The following OR14L1 variants were observed in gnomAD, a reference collection of about 807,000 sequenced individuals.
OR14L1 encodes olfactory receptor family 14 subfamily L member 1, also known as olfactory receptor 14L1.
At chr1:247,619,251 A>C in the OR14L1 span, among the ~76,000 whole-genome samples, 1 of 152,220 alleles carries the variant, frequency 6.6e-6, no homozygotes, top group Non-Finnish European at 1.5e-5. Flanking sequence ...ATAATGAGCA[A>C]ATAAAATGCT....
chr1:247,619,631 G>A, the OR14L1 span: 2 of 151,938 alleles, frequency 1.3e-5, no homozygotes, highest in African/African-American at 4.8e-5. Flanking sequence ...GGAAGAAATG[G>A]AACGACCACA....
the OR14L1 span, chr1:247,621,125 G>A: frequency 1.3e-5 from 2 of 152,130 alleles, no homozygotes; most frequent in Non-Finnish European, 2.9e-5. Context: ...GTTCACATAT[G>A]TTTATGGTGC....
chr1:247,622,067 C>T, the OR14L1 span: 4 of 152,048 alleles, frequency 2.6e-5, no homozygotes, highest in African/African-American at 9.7e-5. Flanking sequence ...TGCAAGCGTA[C>T]CTCATTGTAT....
At chr1:247,617,945 C>T in the OR14L1 span, among the ~76,000 whole-genome samples, 1 of 152,110 alleles carries the variant, frequency 6.6e-6, no homozygotes, top group African/African-American at 2.4e-5. Context: ...TGATTAGTGT[C>T]ACCACATCAT....
At chr1:247,620,294 T>C in the OR14L1 span, 1 of 151,744 alleles carries the variant, frequency 6.6e-6, no homozygotes, top group Non-Finnish European at 1.5e-5. Context: ...CTCTCCTACA[T>C]GTACATTTTT....
chr1:247,619,188 C>T, the OR14L1 span, among the ~76,000 whole-genome samples: 1 of 152,160 alleles, frequency 6.6e-6, no homozygotes, highest in Non-Finnish European at 1.5e-5. Context: ...ATTTTATTTT[C>T]ATAAAACTGA....
chr1:247,618,769 C>T, the OR14L1 span, among the ~76,000 whole-genome samples: 1 of 152,104 alleles, frequency 6.6e-6, no homozygotes, highest in Non-Finnish European at 1.5e-5. Flanking sequence ...TCTGCCTTTT[C>T]CTATGTGGCT....
chr1:247,619,241 A>G, the OR14L1 span, among the ~76,000 whole-genome samples: 1 of 152,214 alleles, frequency 6.6e-6, no homozygotes, highest in Non-Finnish European at 1.5e-5. Context: ...TCTTTAACAC[A>G]TAATGAGCAA....
At chr1:247,621,759 G>C in the OR14L1 span, 6 of 152,190 alleles carry the variant, frequency 3.9e-5, no homozygotes, top group South Asian at 1.2e-3. Context: ...TTATGAGTTT[G>C]ACTTTTTCAG....
At chr1:247,622,097 T>A in the OR14L1 span, 1 of 152,202 alleles carries the variant, frequency 6.6e-6, no homozygotes, top group Non-Finnish European at 1.5e-5. Context: ...TTTGCTGAAT[T>A]TCACAAATAT....
chr1:247,621,822 T>C, the OR14L1 span: 1 of 152,204 alleles, frequency 6.6e-6, no homozygotes, highest in Non-Finnish European at 1.5e-5. Flanking sequence ...GACTGGCTTA[T>C]TTCACGTAAC....
chr1:247,617,703 TGTGTGTGCG>T, the OR14L1 span, among the ~76,000 whole-genome samples: 1 of 148,762 alleles, frequency 6.7e-6, no homozygotes, highest in African/African-American at 2.5e-5. Flanking sequence ...GGTGTGTGTG[TGTGTGTGCG>T]TGTGTGTGTG....
At chr1:247,620,510 G>A in the OR14L1 span, 1 of 152,230 alleles carries the variant, frequency 6.6e-6, no homozygotes, top group Admixed American at 6.6e-5. Context: ...GTCATCTATA[G>A]TCTGAGGAAT....
chr1:247,617,711 C>CGT, the OR14L1 span, among the ~76,000 whole-genome samples: 225 of 144,668 alleles, frequency 1.6e-3, 1 homozygote, highest in Non-Finnish European at 1.7e-3. Flanking sequence ...TGTGTGTGTG[C>CGT]GTGTGTGTGT....
At chr1:247,617,693 G>GGTGTGTGTGTGT in the OR14L1 span, among the ~76,000 whole-genome samples, 79 of 144,016 alleles carry the variant, frequency 5.5e-4, no homozygotes, top group African/African-American at 1.8e-3. Context: ...AGTGGTGAAA[G>GGTGTGTGTGTGT]GTGTGTGTGT....
At chr1:247,618,354 AG>A in the OR14L1 span, among the ~76,000 whole-genome samples, 1 of 152,150 alleles carries the variant, frequency 6.6e-6, no homozygotes, top group African/African-American at 2.4e-5. Flanking sequence ...GTGGTTTCAT[AG>A]GCATATACAA....
At chr1:247,620,694 T>C in the OR14L1 span, 2 of 152,212 alleles carry the variant, frequency 1.3e-5, no homozygotes, top group Non-Finnish European at 2.9e-5. Context: ...TCTTGATTTT[T>C]AAATTAAATT....
chr1:247,621,706 C>G, the OR14L1 span: 2 of 152,182 alleles, frequency 1.3e-5, no homozygotes, highest in Admixed American at 6.6e-5. Flanking sequence ...CTACCATCAC[C>G]CTTGCCTCCA....
At chr1:247,621,268 C>T in the OR14L1 span, 2 of 152,046 alleles carry the variant, frequency 1.3e-5, no homozygotes, top group Non-Finnish European at 2.9e-5. Context: ...TGCATTATTC[C>T]CAGAGTGCTT....
Sources: gnomAD v4.1 joint callset for allele counts (sites outside exome capture counted in the v4.1 genomes callset) on GRCh38, gnomAD v4.1.1 for gene constraint, MANE v1.5 for transcripts, NCBI Gene and HGNC (gene_info 2026-07-23, HGNC 2026-07-21) for gene names.